Variants in ZZZ3 observed in about 807,000 individuals in gnomAD.
The protein encoded by ZZZ3 is ZZ-type zinc finger-containing protein 3.
A neutral mutation model predicts 95.2 loss-of-function variants in ZZZ3; 22 were observed. That is an observed-to-expected ratio of 0.23 (90% confidence interval 0.17 to 0.33). ZZZ3 has a LOEUF of 0.33. Among genes scored for constraint, ZZZ3 ranks in the 10% least tolerant of loss-of-function variants. ZZZ3 has a pLI of 1.00. For missense variants in ZZZ3, 885 were observed against 1,066.5 expected, an observed-to-expected ratio of 0.83 and a Z score of 2.37; for synonymous variants, 335 against 358.9, an observed-to-expected ratio of 0.93 and a Z score of 0.75.
rs564377806 is a variant in ZZZ3 at position 77,571,536 on chromosome 1, T to A, written c.2332-3070A>T. Among the ~76,000 whole-genome samples, 6 of 152,272 alleles carry A rather than the reference T, an allele frequency of 3.9e-5. No homozygotes were observed. In the South Asian group the frequency reaches 1.0e-3, roughly 26 times the overall value. On this transcript the variant is annotated intron_variant, in intron 12 of 14. Transcript: ENST00000370801. ...CCAAAAGGTGGAAGCAACCCAAGTATCCATCAACAAATGAATGGATAAACA... is the reference window on the plus strand; with the variant it reads ...CCAAAAGGTGGAAGCAACCCAAGTAACCATCAACAAATGAATGGATAAACA...
Position 77,576,192 on chromosome 1 carries a change from A to G in ZZZ3, c.2207T>C (p.Leu736Pro). 6.2e-7 allele frequency: 1 copy of G among 1,610,838 alleles called. No homozygotes were observed. The highest frequency in any genetic ancestry group is 8.5e-7 in the Non-Finnish European group (1 of 1,179,116). Residue 736 changes from leucine (L) to proline (P), a missense_variant, in exon 12 of 15, where the codon CTT (leucine) becomes CCT (proline). Physicochemically the swap from Leu to Pro is moderately conservative, Grantham distance 98 (BLOSUM62 -3). Around this residue, in one of 5 missense-constraint regions of ZZZ3, gnomAD observed 221 missense variants for 247.8 expected, o/e 0.89. Coordinates refer to ENST00000370801, the MANE Select transcript of ZZZ3 (RefSeq NM_015534.6). Reference sequence around the variant, plus strand: ...GGAAGGCTTAAAGAGATGCTTATTAAGAGGGTGCTGTCGTCTGCTTGTTGA... The same window carrying G: ...GGAAGGCTTAAAGAGATGCTTATTAGGAGGGTGCTGTCGTCTGCTTGTTGA... ...KSSTSRRQHPLNKHLFKPSTF... is the reference protein window; with the variant it reads ...KSSTSRRQHPPNKHLFKPSTF...
In ZZZ3 at chr1:77,622,685, T is replaced by C. The variant is rs193160304; in HGVS notation, c.1505+9165A>G. The stretch of plus-strand genomic sequence containing the variant: ...TCATATCTTTTTGTATGTCACCTTC[T>C]CTCTTTTACCCATCCTCAAGAACTT... On this transcript the variant is annotated intron_variant, in intron 5 of 14. Coordinates refer to ENST00000370801, the MANE Select transcript of ZZZ3 (RefSeq NM_015534.6). Among the ~76,000 whole-genome samples the C allele has an allele frequency of 3.9e-5, 6 of 152,360 alleles. No homozygotes were observed. In the East Asian group the frequency reaches 9.6e-4, roughly 24 times the overall value.
rs1406490569 is a variant in ZZZ3, at chr1:77,632,845, A to G, written c.510T>C (p.Asp170=). Residue 170 remains aspartate (D), a synonymous_variant, in exon 5 of 15, where the codon GAT becomes GAC. Coordinates refer to ENST00000370801, the MANE Select transcript of ZZZ3 (RefSeq NM_015534.6). The part of the protein sequence containing the change: ...TKRACRCLIL[D]DCEKREIKKV... ...TTTTAATTTCCCTTTTCTCACAATCATCCAGTATAAGACATCGACAAGCTC... is the reference window on the plus strand; with the variant it reads ...TTTTAATTTCCCTTTTCTCACAATCGTCCAGTATAAGACATCGACAAGCTC... 1 of 1,614,114 alleles carries G rather than the reference A, an allele frequency of 6.2e-7. No homozygotes were observed.
intron 5 of ZZZ3, among the ~76,000 whole-genome samples, chr1:77,630,337 G>A (rs1268072313): frequency 6.6e-6 from 1 of 152,072 alleles, no homozygotes; most frequent in Non-Finnish European, 1.5e-5. Flanking sequence ...TTAGCCAGGA[G>A]TGGTGGCATG....
intron 5 of ZZZ3, among the ~76,000 whole-genome samples, chr1:77,606,715 A>G (rs938579225): frequency 1.3e-5 from 2 of 152,250 alleles, no homozygotes; most frequent in Non-Finnish European, 2.9e-5. Context: ...ATTCTTTCAG[A>G]TCTTATCCAA....
chr1:77,652,476 C>A (rs924298578), intron 1 of ZZZ3, among the ~76,000 whole-genome samples: 8 of 152,168 alleles, frequency 5.3e-5, no homozygotes, highest in African/African-American at 1.9e-4. Flanking sequence ...GTTATTTGCA[C>A]CCTCATACAT....
In ZZZ3 at chr1:77,632,782, T is replaced by C. The variant is rs900304372; in HGVS notation, c.573A>G (p.Ala191=). ...NVSEEGPLNS[A]VVEEITGYLA... ...AATAGCCTGTGATTTCTTCAACTAC[T>C]GCAGAATTAAGTGGCCCTTCCTCAC... is the stretch of plus-strand genomic sequence containing the variant. The change falls in exon 5 of 15, where the codon GCA becomes GCG. Residue 191 remains alanine, a synonymous_variant. Coordinates refer to ENST00000370801, the MANE Select transcript of ZZZ3 (RefSeq NM_015534.6). The C allele has an allele frequency of 1.9e-6, 3 of 1,614,074 alleles. No individual in the cohort carries two copies. Among genetic ancestry groups the C allele is most frequent in the African/African-American group, 2.7e-5 (2 of 74,940 alleles).
intron 1 of ZZZ3, among the ~76,000 whole-genome samples, chr1:77,675,057 G>A (rs1337359866): frequency 2.0e-5 from 3 of 151,812 alleles, no homozygotes; most frequent in African/African-American, 7.3e-5. Context: ...AGAGTGGAGA[G>A]TTAATATAGA....
At chr1:77,589,369 A>C (rs113926982) in intron 5 of ZZZ3, among the ~76,000 whole-genome samples, 3 of 152,266 alleles carry the variant, frequency 2.0e-5, no homozygotes, top group African/African-American at 7.2e-5. Flanking sequence ...AAAAATCCTG[A>C]CATCTGAAGA....
At chr1:77,670,529 G>A (rs1319500507) in intron 1 of ZZZ3, among the ~76,000 whole-genome samples, 1 of 151,996 alleles carries the variant, frequency 6.6e-6, no homozygotes, top group Non-Finnish European at 1.5e-5. Context: ...AAAGTGCTGG[G>A]TTTACAGGCA....
intron 5 of ZZZ3, among the ~76,000 whole-genome samples, chr1:77,608,610 A>T (rs1665477029): frequency 6.6e-6 from 1 of 152,318 alleles, no homozygotes; most frequent in South Asian, 2.1e-4. Flanking sequence ...ACAGAATAAT[A>T]TAACACTGTA....
In ZZZ3 at chr1:77,644,709, C is replaced by G. The variant is rs575278094; in HGVS notation, c.-402-3054G>C. 3.8e-4 allele frequency among the ~76,000 whole-genome samples: 58 copies of G among 152,314 alleles called. 1 individual carries two copies. Among genetic ancestry groups the G allele is most frequent in the Non-Finnish European group, 6.8e-4 (46 of 68,032 alleles). On this transcript the variant is annotated intron_variant, in intron 1 of 14. Transcript: ENST00000370801. Reference sequence around the variant, plus strand: ...TACCTCTCAGGGTTATTGTGAAGTTCAAAAGAGATCACATCTGTGAAGTAC... The same window carrying G: ...TACCTCTCAGGGTTATTGTGAAGTTGAAAAGAGATCACATCTGTGAAGTAC...
At chr1:77,615,324 A>T (rs1666205454) in intron 5 of ZZZ3, among the ~76,000 whole-genome samples, 1 of 152,244 alleles carries the variant, frequency 6.6e-6, no homozygotes, top group South Asian at 2.1e-4. Context: ...GAGGGGAAAA[A>T]ATATCCACAC....
chr1:77,678,273 C>T (rs1253956170), intron 1 of ZZZ3, among the ~76,000 whole-genome samples: 2 of 151,874 alleles, frequency 1.3e-5, no homozygotes, highest in Non-Finnish European at 2.9e-5. Flanking sequence ...GGAGTAATTC[C>T]TTGAAATATT....
chr1:77,660,100 G>A (rs950325859), intron 1 of ZZZ3, among the ~76,000 whole-genome samples: 1 of 152,112 alleles, frequency 6.6e-6, no homozygotes, highest in Admixed American at 6.5e-5. Context: ...CCAAAGAGCT[G>A]GGATTACAGG....
At chr1:77,650,706 G>GA (rs1160893751) in intron 1 of ZZZ3, among the ~76,000 whole-genome samples, 1 of 145,714 alleles carries the variant, frequency 6.9e-6, no homozygotes, top group Non-Finnish European at 1.5e-5. Flanking sequence ...AGAAAAAGAA[G>GA]AAAAAATAAC....
Position 77,565,347 on chromosome 1 carries a change from C to T in ZZZ3, c.*293G>A, listed in dbSNP as rs1226821254. 1 of 256,476 alleles carries T rather than the reference C, an allele frequency of 3.9e-6. No individual in the cohort carries two copies. Among genetic ancestry groups the T allele is most frequent in the African/African-American group, 2.2e-5 (1 of 45,248 alleles). The allele number at this position is 256,476 out of a possible 1,614,324, so 15.9% of individuals were successfully genotyped here. On this transcript the variant is annotated 3_prime_UTR_variant, in exon 15 of 15. Coordinates refer to ENST00000370801, the MANE Select transcript of ZZZ3 (RefSeq NM_015534.6). ...TTCTTTGAAACCTTTGGAATTTACT[C>T]TCTCTTTAATGTGTGCTCTCGTTCC...
At position 77,633,264 on chromosome 1, in the gene ZZZ3, G is replaced by T; in HGVS notation, c.91C>A (p.Arg31Ser). ...ATTTCTTCAGGATGCGCAATGCTAC[G>T]ATTCCTTAAAGTTCTACCACAAAAA... ...ESFCGRTLRN[R>S]SIAHPEEISS... Residue 31 changes from arginine to serine, a missense_variant, in exon 5 of 15, where the codon CGT (arginine) becomes AGT (serine). Coordinates refer to ENST00000370801, the MANE Select transcript of ZZZ3 (RefSeq NM_015534.6). 1 of 1,613,990 alleles carries T rather than the reference G, an allele frequency of 6.2e-7. No homozygotes were observed. Among genetic ancestry groups the T allele is most frequent in the Non-Finnish European group, 8.5e-7 (1 of 1,179,964 alleles).
At chr1:77,649,462 C>G (rs1398312530) in intron 1 of ZZZ3, among the ~76,000 whole-genome samples, 1 of 151,886 alleles carries the variant, frequency 6.6e-6, no homozygotes, top group Non-Finnish European at 1.5e-5. Flanking sequence ...CTATCATAGA[C>G]AGACATGCAT....
Sources: gnomAD v4.1 joint callset for allele counts (sites outside exome capture counted in the v4.1 genomes callset) on GRCh38, gnomAD v4.1.1 for gene constraint, gnomAD v4.1.1 regional missense constraint, MANE v1.5 for transcripts, NCBI Gene and HGNC (gene_info 2026-07-23, HGNC 2026-07-21) for gene names.